The following CRADD variants were observed in gnomAD, a reference collection of about 807,000 sequenced individuals.
The protein encoded by CRADD is CARD and death domain containing adaptor protein.
A neutral mutation model predicts 15.5 loss-of-function variants in CRADD; 9 were observed. The observed-to-expected ratio is 0.58, with a 90% CI of 0.35 to 1.01. The LOEUF (loss-of-function observed/expected upper bound fraction) is 1.01. Among genes scored for constraint, CRADD ranks in the 50% least tolerant of loss-of-function variants. The probability of loss-of-function intolerance (pLI) is 0.02; values close to 1 mark genes in which losing one functional copy is unlikely to be tolerated. For missense variants in CRADD, 227 were observed against 250.3 expected (o/e 0.91, Z 0.63); for synonymous variants, 118 against 107.6 (o/e 1.10, Z -0.60).
At chr12:93,860,710 A>G (rs989643167) in intron 2 of CRADD, among the ~76,000 whole-genome samples, 1 of 152,210 alleles carries the variant, frequency 6.6e-6, no homozygotes, top group African/African-American at 2.4e-5. Flanking sequence ...ATAATTAATC[A>G]GGAGGACATT....
At chr12:93,755,173 A>G (rs915342551) in intron 2 of CRADD, among the ~76,000 whole-genome samples, 10 of 152,122 alleles carry the variant, frequency 6.6e-5, no homozygotes, top group African/African-American at 1.7e-4. Context: ...ACCCTTCCCT[A>G]TGATTTCATT....
intron 2 of CRADD, among the ~76,000 whole-genome samples, chr12:93,827,489 G>A (rs1957837279): frequency 6.6e-6 from 1 of 152,106 alleles, no homozygotes; most frequent in African/African-American, 2.4e-5. Context: ...TGTTTCGTCG[G>A]CTATTACAAA....
intron 2 of CRADD, among the ~76,000 whole-genome samples, chr12:93,739,499 A>G (rs1366319170): frequency 6.6e-6 from 1 of 151,870 alleles, no homozygotes; most frequent in African/African-American, 2.4e-5. Flanking sequence ...TTCCTAAAAA[A>G]AAAAAGCTAT....
chr12:93,763,395 G>C (rs1956991785), intron 2 of CRADD, among the ~76,000 whole-genome samples: 1 of 151,626 alleles, frequency 6.6e-6, no homozygotes, highest in South Asian at 2.1e-4. Context: ...GCTCAAAGGA[G>C]AAGGGCAAAT....
chr12:93,802,664 A>G (rs1024414225), intron 2 of CRADD, among the ~76,000 whole-genome samples: 2 of 152,180 alleles, frequency 1.3e-5, no homozygotes, highest in Admixed American at 1.3e-4. Flanking sequence ...TCGGTCTGCT[A>G]GTCTCCTGAC....
intron 2 of CRADD, among the ~76,000 whole-genome samples, chr12:93,816,831 C>T (rs1290577617): frequency 6.6e-6 from 1 of 152,056 alleles, no homozygotes; most frequent in Non-Finnish European, 1.5e-5. Context: ...TCCCTGCACT[C>T]GTCTGTGCAC....
chr12:93,795,195 G>C (rs1957401185), intron 2 of CRADD, among the ~76,000 whole-genome samples: 1 of 152,138 alleles, frequency 6.6e-6, no homozygotes, highest in African/African-American at 2.4e-5. Context: ...ACATATAGAA[G>C]GTTAATGTTT....
At chr12:93,881,758 G>T (rs1422336644) in intron 2 of CRADD, among the ~76,000 whole-genome samples, 3 of 152,190 alleles carry the variant, frequency 2.0e-5, no homozygotes, top group Non-Finnish European at 4.4e-5. Context: ...TGTGTGCTCT[G>T]ATAAAGTGTC....
intron 2 of CRADD, among the ~76,000 whole-genome samples, chr12:93,718,706 T>A (rs1956206155): frequency 1.3e-5 from 2 of 152,104 alleles, no homozygotes; most frequent in South Asian, 4.1e-4. Context: ...AAAGCAGTGG[T>A]AATAACGGAC....
intron 2 of CRADD, among the ~76,000 whole-genome samples, chr12:93,868,491 T>C (rs1415702154): frequency 6.6e-6 from 1 of 152,182 alleles, no homozygotes; most frequent in Non-Finnish European, 1.5e-5. Flanking sequence ...AGTTAAAATA[T>C]ATGTATACAA....
intron 2 of CRADD, among the ~76,000 whole-genome samples, chr12:93,688,533 C>T (rs577539821): frequency 6.6e-6 from 1 of 151,060 alleles, no homozygotes; most frequent in East Asian, 1.9e-4. Flanking sequence ...TTTTGTGTCT[C>T]ACAAAGAACT....
At chr12:93,796,775 G>C (rs12817641) in intron 2 of CRADD, among the ~76,000 whole-genome samples, 35,566 of 151,998 alleles carry the variant, frequency 0.23, 4,717 homozygotes, top group East Asian at 0.54. Context: ...TGGTTAATGA[G>C]TCTCTTTGAC....
intron 2 of CRADD, among the ~76,000 whole-genome samples, chr12:93,826,374 G>A (rs891451248): frequency 6.6e-6 from 1 of 152,210 alleles, no homozygotes; most frequent in Non-Finnish European, 1.5e-5. Flanking sequence ...CAAGGGAGAA[G>A]CAGCCAAGAC....
At chr12:93,839,714 T>C (rs776755721) in intron 2 of CRADD, among the ~76,000 whole-genome samples, 1 of 152,244 alleles carries the variant, frequency 6.6e-6, no homozygotes, top group Non-Finnish European at 1.5e-5. Flanking sequence ...CTTTTGTGTT[T>C]CCTCTAATTC....
At chr12:93,841,428 T>C (rs1958045995) in intron 2 of CRADD, among the ~76,000 whole-genome samples, 2 of 152,206 alleles carry the variant, frequency 1.3e-5, no homozygotes, top group Non-Finnish European at 2.9e-5. Flanking sequence ...CTTTTTCTTT[T>C]TCCCCCTTTA....
chr12:93,858,611 G>T (rs972983589), intron 2 of CRADD, among the ~76,000 whole-genome samples: 1 of 152,180 alleles, frequency 6.6e-6, no homozygotes, highest in Admixed American at 6.5e-5. Context: ...ACCTTCTGCT[G>T]CCCGCTCTGT....
At position 93,679,070 on chromosome 12, in the gene CRADD, C is replaced by A; in HGVS notation, c.296C>A (p.Ala99Glu). Residue 99 changes from alanine (A) to glutamate (E), a missense_variant and splice_region_variant, in exon 2 of 3, where the codon GCA (alanine) becomes GAA (glutamate). Coordinates refer to ENST00000332896, the MANE Select transcript of CRADD (RefSeq NM_003805.5). ...GAAGAGGCCATGACCGACCTGCCTG[C>A]AGGTAGGCCTCAGAAAGATCACTTT... Reference protein sequence around the residue: ...AREEAMTDLPAGDRLTGIPSH... With the variant: ...AREEAMTDLPEGDRLTGIPSH... The A allele has an allele frequency of 6.2e-7, 1 of 1,610,542 alleles. No homozygotes were observed. Among genetic ancestry groups the A allele is most frequent in the Non-Finnish European group, 8.5e-7 (1 of 1,177,592 alleles).
intron 2 of CRADD, among the ~76,000 whole-genome samples, chr12:93,829,019 G>A (rs926504007): frequency 1.3e-5 from 2 of 151,954 alleles, no homozygotes; most frequent in Non-Finnish European, 2.9e-5. Flanking sequence ...GCCTTGCTCC[G>A]AAGTTTATTG....
In CRADD at chr12:93,700,972, A is replaced by G. The variant is rs546500531; in HGVS notation, c.298+21900A>G. On this transcript the variant is annotated intron_variant, in intron 2 of 2. Transcript: ENST00000332896. ...CACCTCCTATTTGGTGTGCTTCTCTATAATAGGTTGTAACTTCCAGAGGGC... is the reference window on the plus strand; with the variant it reads ...CACCTCCTATTTGGTGTGCTTCTCTGTAATAGGTTGTAACTTCCAGAGGGC... 2.6e-4 allele frequency among the ~76,000 whole-genome samples: 39 copies of G among 152,178 alleles called. No homozygotes were observed. The South Asian group carries it at 7.9e-3, about 31-fold the overall frequency.
Sources: allele counts gnomAD v4.1 joint callset (sites outside exome capture counted in the v4.1 genomes callset), GRCh38; gene constraint gnomAD v4.1.1; transcripts MANE v1.5; gene names NCBI Gene and HGNC (gene_info 2026-07-23, HGNC 2026-07-21).